SENP8: variants seen among roughly 807,000 people sequenced by gnomAD.
The protein encoded by SENP8 is SUMO peptidase family member, NEDD8 specific.
In SENP8, 10 loss-of-function variants were observed where a neutral mutation model predicts 14.4. That is an observed-to-expected ratio of 0.69 (90% confidence interval 0.43 to 1.18). The LOEUF is 1.18. Ranked by LOEUF, SENP8 falls within the 50% of genes most tolerant of loss-of-function variation. The pLI, the probability that SENP8 is intolerant of heterozygous loss-of-function variation, is 0.00. For missense variants in SENP8, 202 were observed against 249.4 expected, an observed-to-expected ratio of 0.81 and a Z score of 1.28; for synonymous variants, 94 against 95.5, an observed-to-expected ratio of 0.98 and a Z score of 0.09.
intron 1 of SENP8, among the ~76,000 whole-genome samples, chr15:72,130,745 TA>T (rs1457436416): frequency 1.3e-5 from 2 of 152,068 alleles, no homozygotes; most frequent in Non-Finnish European, 2.9e-5. Flanking sequence ...GTATTTTTAA[TA>T]GAGACAGGGT....
In SENP8 at chr15:72,141,481, C is replaced by G. The variant is rs2081379923; in HGVS notation, c.*1219C>G. The stretch of plus-strand genomic sequence containing the variant: ...CCTAATGAGAATTAGATTGCAAGGC[C>G]TATGAGACTTGAAAACCAAAGATGA... On this transcript the variant is annotated 3_prime_UTR_variant, in exon 2 of 2. Coordinates refer to ENST00000340912, the MANE Select transcript of SENP8 (RefSeq NM_145204.4). The G allele has an allele frequency of 6.6e-6, 1 of 151,980 alleles. No homozygotes were observed. The highest frequency in any genetic ancestry group is 2.4e-5 in the African/African-American group (1 of 41,378). 9.4% of individuals were successfully genotyped at this position (151,980 alleles called of 1,614,324 possible). A position where few individuals can be genotyped will look rare whatever the true frequency, so the allele number is the denominator to read the frequency against.
rs757299086 is a variant in SENP8 at position 72,139,639 on chromosome 15, T to G, written c.16T>G (p.Leu6Val). 1 of 1,613,958 alleles carries G rather than the reference T, an allele frequency of 6.2e-7. No homozygotes were observed. Among genetic ancestry groups the G allele is most frequent in the Non-Finnish European group, 8.5e-7 (1 of 1,179,826 alleles). The change falls in exon 2 of 2, where the codon TTG (leucine) becomes GTG (valine). Residue 6 changes from leucine to valine, a missense_variant. Leu to Val is a conservative substitution (Grantham distance 32). Coordinates refer to ENST00000340912, the MANE Select transcript of SENP8 (RefSeq NM_145204.4). ...TCAGTACAAGATGGACCCCGTAGTCTTGAGTTACATGGACAGTCTACTGCG... is the reference window on the plus strand; with the variant it reads ...TCAGTACAAGATGGACCCCGTAGTCGTGAGTTACATGGACAGTCTACTGCG... Reference protein sequence around the residue: MDPVVLSYMDSLLRQS... With the variant: MDPVVVSYMDSLLRQS...
In SENP8 at chr15:72,142,742, G is replaced by A. The variant is rs937463534; in HGVS notation, c.*2480G>A. The A allele has an allele frequency of 2.6e-5, 4 of 152,216 alleles. No homozygotes were observed. Among genetic ancestry groups the A allele is most frequent in the African/African-American group, 9.6e-5 (4 of 41,452 alleles). The allele number at this position is 152,216 out of a possible 1,614,324, so 9.4% of individuals were successfully genotyped here. A position where few individuals can be genotyped will look rare whatever the true frequency, so the allele number is the denominator to read the frequency against. ...ATTTCAACCATTTGGCAAGGTATAT[G>A]TTGAAGTTCACAAGCGCTGGTCCTA... On this transcript the variant is annotated 3_prime_UTR_variant, in exon 2 of 2. Transcript: ENST00000340912.
At chr15:72,126,158 C>G (rs2081216921) in intron 1 of SENP8, among the ~76,000 whole-genome samples, 1 of 151,874 alleles carries the variant, frequency 6.6e-6, no homozygotes, top group African/African-American at 2.4e-5. Flanking sequence ...CAGGAAATAC[C>G]TATGAAAGCC....
chr15:72,114,466 T>C (rs568205121), upstream of SENP8: 1 of 152,284 alleles, frequency 6.6e-6, no homozygotes, highest in Admixed American at 6.5e-5. Context: ...ATGTTGGCAG[T>C]GAAGTACAGA....
chr15:72,122,852 T>C (rs913448246), intron 1 of SENP8, among the ~76,000 whole-genome samples: 1 of 152,226 alleles, frequency 6.6e-6, no homozygotes, highest in Non-Finnish European at 1.5e-5. Context: ...ATTAAATGGC[T>C]TACTCCACAA....
rs2081088788 is a variant in SENP8 at position 72,118,417 on chromosome 15, A to C, written c.-95A>C. ...CGACCGTAGCTGTCGCTTTCCGGCC[A>C]ACACAGAGGTGCCTGAAGGCTGGTT... On this transcript the variant is annotated 5_prime_UTR_variant, in exon 1 of 2. Transcript: ENST00000340912. 1 of 155,214 alleles carries C rather than the reference A, an allele frequency of 6.4e-6. No individual in the cohort carries two copies. The highest frequency in any genetic ancestry group is 3.0e-3 in the Middle Eastern group (1 of 332). 9.6% of individuals were successfully genotyped at this position (155,214 alleles called of 1,614,324 possible).
chr15:72,115,976 T>C (rs1489419016), upstream of SENP8, among the ~76,000 whole-genome samples: 1 of 151,436 alleles, frequency 6.6e-6, no homozygotes, highest in Non-Finnish European at 1.5e-5. Flanking sequence ...TCCATATGTA[T>C]TGTTAAGAAA....
chr15:72,133,510 T>A (rs1447700555), intron 1 of SENP8, among the ~76,000 whole-genome samples: 2 of 152,270 alleles, frequency 1.3e-5, no homozygotes, highest in Non-Finnish European at 2.9e-5. Context: ...AGCCCACTTT[T>A]ATGCCACTTT....
chr15:72,117,352 G>A (rs1034134725), upstream of SENP8, among the ~76,000 whole-genome samples: 1 of 152,176 alleles, frequency 6.6e-6, no homozygotes, highest in African/African-American at 2.4e-5. Flanking sequence ...TCAGCCCAAG[G>A]GAGGATGTAA....
At position 72,139,673 on chromosome 15, in the gene SENP8, A is replaced by G; in HGVS notation, c.50A>G (p.Asp17Gly). The stretch of plus-strand genomic sequence containing the variant: ...ATGGACAGTCTACTGCGGCAATCAG[A>G]TGTCTCACTATTGGATCCGCCAAGC... Reference protein sequence around the residue: ...SYMDSLLRQSDVSLLDPPSWL... With the variant: ...SYMDSLLRQSGVSLLDPPSWL... The change falls in exon 2 of 2, where the codon GAT (aspartate) becomes GGT (glycine). Residue 17 changes from aspartate to glycine, a missense_variant. By Grantham distance (94) the Asp-to-Gly change is moderately conservative. Coordinates refer to ENST00000340912, the MANE Select transcript of SENP8 (RefSeq NM_145204.4). 1 of 1,614,194 alleles carries G rather than the reference A, an allele frequency of 6.2e-7. No homozygotes were observed. Among genetic ancestry groups the G allele is most frequent in the Non-Finnish European group, 8.5e-7 (1 of 1,180,026 alleles).
chr15:72,121,800 A>G (rs2081170581), intron 1 of SENP8, among the ~76,000 whole-genome samples: 1 of 152,226 alleles, frequency 6.6e-6, no homozygotes, highest in Non-Finnish European at 1.5e-5. Flanking sequence ...CTAGAGTAAC[A>G]TACATTGGAA....
At chr15:72,122,562 A>G (rs758161003) in intron 1 of SENP8, among the ~76,000 whole-genome samples, 1 of 152,198 alleles carries the variant, frequency 6.6e-6, no homozygotes, top group Non-Finnish European at 1.5e-5. Context: ...GTCCTATAAA[A>G]TTAACTTCCA....
intron 1 of SENP8, among the ~76,000 whole-genome samples, chr15:72,131,929 G>C (rs539365252): frequency 8.5e-5 from 13 of 152,262 alleles, no homozygotes; most frequent in African/African-American, 3.1e-4. Context: ...ATAGGGAACA[G>C]GGAAGGAAAC....
upstream of SENP8, chr15:72,117,314 G>C (rs562353152): frequency 3.9e-4 from 60 of 153,128 alleles, no homozygotes; most frequent in South Asian, 8.3e-3. Flanking sequence ...GGGGGCGGTC[G>C]AGACTTTGCC....
At chr15:72,119,562 C>T (rs1048175994) in intron 1 of SENP8, among the ~76,000 whole-genome samples, 4 of 152,148 alleles carry the variant, frequency 2.6e-5, no homozygotes, top group Non-Finnish European at 5.9e-5. Context: ...TCCAGGCCAA[C>T]ATGGTGAAAC....
chr15:72,129,268 G>C (rs1250797801), intron 1 of SENP8, among the ~76,000 whole-genome samples: 1 of 152,026 alleles, frequency 6.6e-6, no homozygotes, highest in Non-Finnish European at 1.5e-5. Flanking sequence ...GGTAGCTCAC[G>C]CCTATCAACC....
At chr15:72,138,689 G>A (rs1250724340) in intron 1 of SENP8, among the ~76,000 whole-genome samples, 3 of 151,262 alleles carry the variant, frequency 2.0e-5, no homozygotes, top group Non-Finnish European at 3.0e-5. Flanking sequence ...TACGCCAGGT[G>A]CGGTGGCTCA....
rs1189067823 is a variant in SENP8 at position 72,142,161 on chromosome 15, C to A, written c.*1899C>A. On this transcript the variant is annotated 3_prime_UTR_variant, in exon 2 of 2. Coordinates refer to ENST00000340912, the MANE Select transcript of SENP8 (RefSeq NM_145204.4). ...ATATATAGAAAAATATATATACACA[C>A]GTATAGACATGTATATGTAATCTAT... 6.6e-6 allele frequency: 1 copy of A among 151,908 alleles called. No individual in the cohort carries two copies. Among genetic ancestry groups the A allele is most frequent in the Non-Finnish European group, 1.5e-5 (1 of 67,988 alleles). The allele number at this position is 151,908 out of a possible 1,614,324, so 9.4% of individuals were successfully genotyped here. A position where few individuals can be genotyped will look rare whatever the true frequency, so the allele number is the denominator to read the frequency against.
Sources: gnomAD v4.1 joint callset for allele counts (sites outside exome capture counted in the v4.1 genomes callset) on GRCh38, gnomAD v4.1.1 for gene constraint, MANE v1.5 for transcripts, NCBI Gene and HGNC (gene_info 2026-07-23, HGNC 2026-07-21) for gene names.